GPD2: variants seen among roughly 807,000 people sequenced by gnomAD.
The protein encoded by GPD2 is glycerol-3-phosphate dehydrogenase, mitochondrial.
In GPD2, 54 loss-of-function variants were observed where a neutral mutation model predicts 82.4. The ratio of observed to expected loss-of-function variants is 0.66; its 90% CI spans 0.53 to 0.82. The LOEUF is 0.82. Among genes scored for constraint, GPD2 ranks in the 40% least tolerant of loss-of-function variants. The pLI is 0.00. For synonymous variants in GPD2, 288 were observed against 306.1 expected, an observed-to-expected ratio of 0.94 and a Z score of 0.62; for missense variants, 748 against 896.2, an observed-to-expected ratio of 0.83 and a Z score of 2.11.
chr2:156,456,560 C>T (rs1036881449), intron 1 of GPD2, among the ~76,000 whole-genome samples: 4 of 151,512 alleles, frequency 2.6e-5, no homozygotes, highest in African/African-American at 4.9e-5. Flanking sequence ...CACACCACTG[C>T]GCTCCAGCCT....
intron 2 of GPD2, among the ~76,000 whole-genome samples, chr2:156,489,116 TGTGTCTACAGGGGATAGA>T (rs1386451575): frequency 6.6e-6 from 1 of 152,146 alleles, no homozygotes; most frequent in East Asian, 1.9e-4. Flanking sequence ...GGTGAACTCA[TGTGTCTACAGGGGATAGA>T]GTGATGAGGT....
chr2:156,467,177 G>A (rs1170099119), intron 1 of GPD2, among the ~76,000 whole-genome samples: 1 of 151,938 alleles, frequency 6.6e-6, no homozygotes, highest in Middle Eastern at 3.2e-3. Context: ...GGGCTGGGGT[G>A]GGCCCTTCTG....
intron 1 of GPD2, among the ~76,000 whole-genome samples, chr2:156,472,222 C>T (rs765074252): frequency 4.6e-5 from 7 of 151,730 alleles, no homozygotes; most frequent in Non-Finnish European, 8.8e-5. Flanking sequence ...ATTGTGAAAA[C>T]GTTTCTCCTT....
At chr2:156,401,131 A>T in the GPD2 span, among the ~76,000 whole-genome samples, 2 of 152,196 alleles carry the variant, frequency 1.3e-5, no homozygotes, top group African/African-American at 2.4e-5. Context: ...ACAGAAAAAA[A>T]CTAGAAGTCA....
intron 6 of GPD2, among the ~76,000 whole-genome samples, chr2:156,529,094 C>CA (rs1685731543): frequency 6.9e-6 from 1 of 144,504 alleles, no homozygotes; most frequent in Non-Finnish European, 1.5e-5. Context: ...TGCTCTCCAG[C>CA]ACCTGTTGTT....
intron 1 of GPD2, among the ~76,000 whole-genome samples, chr2:156,443,258 G>T (rs1682240081): frequency 6.6e-6 from 1 of 152,122 alleles, no homozygotes; most frequent in Admixed American, 6.6e-5. Context: ...TTCCCTTATA[G>T]ATGCTTGTCT....
At position 156,550,677 on chromosome 2, in the gene GPD2, A is replaced by G. The variant is rs569181624; in HGVS notation, c.902A>G (p.Asp301Gly). The stretch of plus-strand genomic sequence containing the variant: ...TTCACGGACTCTGTGCGCAAAATGG[A>G]TGATAAAGACGCAGCAGCTATCTGC... ...GPFTDSVRKM[D>G]DKDAAAICQP... Residue 301 changes from aspartate (D) to glycine (G), a missense_variant, in exon 8 of 17, where the codon GAT (aspartate) becomes GGT (glycine). Physicochemically the swap from Asp to Gly is moderately conservative, Grantham distance 94. Around this residue, in one of 3 missense-constraint regions of GPD2, gnomAD observed 692 missense variants for 809.7 expected, o/e 0.85. Coordinates refer to ENST00000438166, the MANE Select transcript of GPD2 (RefSeq NM_000408.5). 3 of 1,613,734 alleles carry G rather than the reference A, an allele frequency of 1.9e-6. No homozygotes were observed. The highest frequency in any genetic ancestry group is 1.7e-6 in the Non-Finnish European group (2 of 1,179,766).
chr2:156,575,895 T>A (rs1230464060), intron 13 of GPD2, among the ~76,000 whole-genome samples: 1 of 152,172 alleles, frequency 6.6e-6, no homozygotes, highest in Admixed American at 6.5e-5. Flanking sequence ...CTTGACCTAG[T>A]CTACCTTGAT....
Position 156,569,381 on chromosome 2 carries a change from A to T in GPD2, c.1319A>T (p.Tyr440Phe). 1 of 1,610,346 alleles carries T rather than the reference A, an allele frequency of 6.2e-7. No individual in the cohort carries two copies. The highest frequency in any genetic ancestry group is 8.5e-7 in the Non-Finnish European group (1 of 1,176,708). The change falls in exon 11 of 17, where the codon TAT becomes TTT. Residue 440 changes from tyrosine to phenylalanine, a missense_variant. Coordinates refer to ENST00000438166, the MANE Select transcript of GPD2 (RefSeq NM_000408.5). ...TTTATAGGTGGAAAGTGGACAACTT[A>T]TCGGTCTATGGCAGAAGATACCATA... ...ITIAGGKWTTYRSMAEDTINA... is the reference protein window; with the variant it reads ...ITIAGGKWTTFRSMAEDTINA...
intron 9 of GPD2, among the ~76,000 whole-genome samples, chr2:156,565,597 G>T (rs1574007354): frequency 6.6e-6 from 1 of 152,108 alleles, no homozygotes; most frequent in Non-Finnish European, 1.5e-5. Context: ...TGGTATTTCA[G>T]TTACAGTGTT....
chr2:156,557,317 A>C, intron 8 of GPD2, 72 bp from the exon 9 acceptor site: 2 of 898,238 alleles, frequency 2.2e-6, no homozygotes, highest in South Asian at 2.8e-5. Context: ...ATGAATAAAT[A>C]GTTTTTCGAA....
At chr2:156,447,646 A>G (rs903086511) in intron 1 of GPD2, among the ~76,000 whole-genome samples, 1 of 152,046 alleles carries the variant, frequency 6.6e-6, no homozygotes, top group Non-Finnish European at 1.5e-5. Flanking sequence ...TCTTGTTATG[A>G]TTATGAGTGT....
chr2:156,582,792 G>C lies in GPD2; in HGVS notation c.2059-1G>C. The stretch of plus-strand genomic sequence containing the variant: ...AATCTGTTGCATATTTTCTCTTTAA[G>C]CTGATGAGTGCTATTCAAAAAGGAA... On this transcript the variant is annotated splice_acceptor_variant, in intron 16 of 16. Coordinates refer to ENST00000438166, the MANE Select transcript of GPD2 (RefSeq NM_000408.5). LOFTEE classifies it high-confidence loss of function. The C allele has an allele frequency of 6.2e-7, 1 of 1,612,816 alleles. No individual in the cohort carries two copies. The highest frequency in any genetic ancestry group is 8.5e-7 in the Non-Finnish European group (1 of 1,179,016).
At chr2:156,533,326 G>A (rs1685936775) in intron 6 of GPD2, among the ~76,000 whole-genome samples, 1 of 152,188 alleles carries the variant, frequency 6.6e-6, no homozygotes, top group Non-Finnish European at 1.5e-5. Flanking sequence ...CAACTCATGA[G>A]CTATGAGCTA....
At chr2:156,526,374 T>C (rs1177554113) in intron 6 of GPD2, among the ~76,000 whole-genome samples, 1 of 152,154 alleles carries the variant, frequency 6.6e-6, no homozygotes, top group Non-Finnish European at 1.5e-5. Context: ...TTATGTAAAA[T>C]ATGCTGTGAT....
chr2:156,457,913 G>C (rs1682841594), intron 1 of GPD2, among the ~76,000 whole-genome samples: 1 of 152,166 alleles, frequency 6.6e-6, no homozygotes, highest in South Asian at 2.1e-4. Flanking sequence ...AGTATAACTT[G>C]TGACAAAAGA....
At chr2:156,410,479 A>T in the GPD2 span, among the ~76,000 whole-genome samples, 1 of 152,216 alleles carries the variant, frequency 6.6e-6, no homozygotes, top group South Asian at 2.1e-4. Context: ...TTGGCACATA[A>T]TATATTTACT....
Position 156,582,858 on chromosome 2 carries a change from A to G in GPD2, c.2124A>G (p.Ala708=), listed in dbSNP as rs143990212. The G allele has an allele frequency of 9.9e-5, 159 of 1,613,060 alleles. No individual in the cohort carries two copies. The highest frequency in any genetic ancestry group is 1.3e-4 in the Non-Finnish European group (151 of 1,179,242). The change falls in exon 17 of 17, where the codon GCA becomes GCG. Residue 708 remains alanine, a synonymous_variant. Transcript: ENST00000438166. ...GGCTTGCTATACTAATGAAAACTGC[A>G]GAAGAGAACCTCGACAGAAGAGTTC... ...GSRLAILMKT[A]EENLDRRVPI...
Position 156,583,936 on chromosome 2 carries a change from C to A in GPD2, c.*1018C>A, listed in dbSNP as rs1249382141. 6.6e-6 allele frequency: 1 copy of A among 152,094 alleles called. No individual in the cohort carries two copies. The highest frequency in any genetic ancestry group is 1.9e-4 in the East Asian group (1 of 5,180). The allele number at this position is 152,094 out of a possible 1,614,324, so 9.4% of individuals were successfully genotyped here. ...CCATCTTTTTTGGGGGTACTTGCAA[C>A]CATAGTAAAGGAAGATGGAATAGAC... On this transcript the variant is annotated 3_prime_UTR_variant, in exon 17 of 17. Coordinates refer to ENST00000438166, the MANE Select transcript of GPD2 (RefSeq NM_000408.5).
Sources: gnomAD v4.1 joint callset for allele counts (sites outside exome capture counted in the v4.1 genomes callset) on GRCh38, gnomAD v4.1.1 for gene constraint, gnomAD v4.1.1 regional missense constraint, MANE v1.5 for transcripts, NCBI Gene and HGNC (gene_info 2026-07-23, HGNC 2026-07-21) for gene names.